Variants in PCNX3 observed in about 807,000 individuals in gnomAD.
PCNX3 encodes pecanex 3.
In PCNX3, 58 loss-of-function variants were observed where a neutral mutation model predicts 207.2. The ratio of observed to expected loss-of-function variants is 0.28; its 90% CI spans 0.23 to 0.35. The LOEUF (loss-of-function observed/expected upper bound fraction) is 0.35, where lower values mean the gene tolerates loss of function less well. Ranked by LOEUF, PCNX3 falls within the 10% of genes least tolerant of loss-of-function variation. The pLI, the probability that PCNX3 is intolerant of heterozygous loss-of-function variation, is 1.00. For synonymous variants in PCNX3, 1,337 were observed against 1,183.5 expected (o/e 1.13, Z -2.66); for missense variants, 2,410 against 2,774.4 (o/e 0.87, Z 2.95).
At chr11:65,626,304 T>TGAGAA (rs766929068) in intron 20 of PCNX3, 2 of 665,076 alleles carry the variant, frequency 3.0e-6, no homozygotes, top group South Asian at 3.0e-5. Context: ...TTCCTGTCTG[T>TGAGAA]GAGAAGACGG....
intron 27 of PCNX3, 63 bp from the exon 28 acceptor site, chr11:65,634,063 A>T: frequency 6.9e-7 from 1 of 1,446,758 alleles, no homozygotes; most frequent in Non-Finnish European, 9.4e-7. Context: ...CTGAACCTCC[A>T]TGCTTTCTCC....
Position 65,625,708 on chromosome 11 carries a change from C to G in PCNX3, c.3192C>G (p.Phe1064Leu). 1 of 1,611,492 alleles carries G rather than the reference C, an allele frequency of 6.2e-7. No individual in the cohort carries two copies. Among genetic ancestry groups the G allele is most frequent in the East Asian group, 2.2e-5 (1 of 44,886 alleles). The change falls in exon 19 of 35, where the codon TTC becomes TTG. Residue 1064 changes from phenylalanine (F) to leucine (L), a missense_variant. By Grantham distance (22) the Phe-to-Leu change is conservative (BLOSUM62 0). Around this residue, in one of 8 missense-constraint regions of PCNX3, gnomAD observed 333 missense variants for 386.8 expected, o/e 0.86. Transcript: ENST00000355703. The surrounding 1 kb of genome is among the most constrained non-coding windows in gnomAD (Gnocchi z 5.6). ...VMCVVIAVLT[F>L]AISASTVFIA... The stretch of plus-strand genomic sequence containing the variant: ...GTGTGGTGATCGCCGTGCTCACCTT[C>G]GCCATCAGCGCCAGCACCGTCTTTA...
chr11:65,634,367 A>G lies in PCNX3; in HGVS notation c.4701+11A>G, dbSNP rs1333128480. The stretch of plus-strand genomic sequence containing the variant: ...TCCCGGCGCAGCCAGGTCAGGCTCC[A>G]CTACCTGAGGCTGCCACCTGGGGCT... On this transcript the variant is annotated intron_variant, in intron 28 of 34. Transcript: ENST00000355703. The G allele has an allele frequency of 6.4e-7, 1 of 1,565,788 alleles. No homozygotes were observed.
At position 65,637,048 on chromosome 11, in the gene PCNX3, A is replaced by G; in HGVS notation, c.*70A>G. ...ACCTGCTCTGCTGCCTCTCTGCTGG[A>G]CCACAGAACTGAGTGGCTTTGGCCT... On this transcript the variant is annotated 3_prime_UTR_variant, in exon 35 of 35. Coordinates refer to ENST00000355703, the MANE Select transcript of PCNX3 (RefSeq NM_032223.4). 1 of 1,475,008 alleles carries G rather than the reference A, an allele frequency of 6.8e-7. No homozygotes were observed. Among genetic ancestry groups the G allele is most frequent in the Non-Finnish European group, 9.1e-7 (1 of 1,096,892 alleles). 91.4% of individuals were successfully genotyped at this position (1,475,008 alleles called of 1,614,324 possible).
chr11:65,628,631 AC>A lies in PCNX3; in HGVS notation c.3741del (p.Tyr1248ThrfsTer46). On this transcript the variant is annotated frameshift_variant, in exon 23 of 35. Transcript: ENST00000355703. LOFTEE classifies it high-confidence loss of function. ...GCTGTACAAGCTGCGTTTCGTGCTG[AC>A]CTACATCGCGCCCTGGCAGATCACC... Reference protein sequence around the residue: ...DLLYKLRFVLTYIAPWQITWG... With the variant: ...DLLYKLRFVLXYIAPWQITWG... 6.2e-7 allele frequency: 1 copy of A among 1,613,458 alleles called. No homozygotes were observed. The highest frequency in any genetic ancestry group is 8.5e-7 in the Non-Finnish European group (1 of 1,179,854).
At chr11:65,632,428 G>T (rs1014351914) in intron 27 of PCNX3, among the ~76,000 whole-genome samples, 1 of 147,194 alleles carries the variant, frequency 6.8e-6, no homozygotes, top group Non-Finnish European at 1.5e-5. Context: ...CCTCCCGTTA[G>T]CTTTGCCCTT....
chr11:65,620,534 G>T, intron 9 of PCNX3, 105 bp downstream of exon 9: 2 of 1,280,464 alleles, frequency 1.6e-6, no homozygotes, highest in Non-Finnish European at 1.1e-6. Flanking sequence ...GCTTGGGCAG[G>T]GGCAGCTCAG....
chr11:65,616,049 T>G lies in PCNX3; in HGVS notation c.-263T>G. The G allele has an allele frequency of 7.1e-6, 2 of 281,018 alleles. No homozygotes were observed. The allele number at this position is 281,018 out of a possible 1,614,324, so 17.4% of individuals were successfully genotyped here. On this transcript the variant is annotated 5_prime_UTR_variant, in exon 1 of 35. Transcript: ENST00000355703. ...CTGCCGGCTCGGCCCCTCGGAGCAA[T>G]TCTGGGCCAGGAGTGGGGACCCGGA...
Position 65,636,189 on chromosome 11 carries a change from T to G in PCNX3, c.5475T>G (p.Cys1825Trp), listed in dbSNP as rs1223027030. The change falls in exon 33 of 35, where the codon TGT becomes TGG. Residue 1825 changes from cysteine (C) to tryptophan (W), a missense_variant. Physicochemically the swap from Cys to Trp is radical, Grantham distance 215. Around this residue, in one of 8 missense-constraint regions of PCNX3, gnomAD observed 59 missense variants for 83.9 expected, o/e 0.70. Transcript: ENST00000355703. Reference protein sequence around the residue: ...LRTWERLHKGCGAGCNSGGNV... With the variant: ...LRTWERLHKGWGAGCNSGGNV... ...CCACCCCCAGGCTTCACAAGGGCTG[T>G]GGCGCCGGCTGCAATAGTGGCGGGA... The G allele has an allele frequency of 6.2e-7, 1 of 1,602,352 alleles. No homozygotes were observed. The highest frequency in any genetic ancestry group is 1.3e-5 in the African/African-American group (1 of 74,772).
Position 65,618,133 on chromosome 11 carries a change from C to G in PCNX3, c.771C>G (p.Thr257=), listed in dbSNP as rs1433061908. Residue 257 remains threonine (T), a synonymous_variant, in exon 6 of 35, where the codon ACC becomes ACG. Coordinates refer to ENST00000355703, the MANE Select transcript of PCNX3 (RefSeq NM_032223.4). ...QELSKSFLTL[T]QPDRALVRTS... ...TGAGCAAGAGCTTCCTGACCCTGACCCAGCCTGACCGGGCCCTGGTGAGGA... is the reference window on the plus strand; with the variant it reads ...TGAGCAAGAGCTTCCTGACCCTGACGCAGCCTGACCGGGCCCTGGTGAGGA... 1 of 1,610,602 alleles carries G rather than the reference C, an allele frequency of 6.2e-7. No individual in the cohort carries two copies. Among genetic ancestry groups the G allele is most frequent in the Non-Finnish European group, 8.5e-7 (1 of 1,178,466 alleles).
chr11:65,635,905 A>C lies in PCNX3; in HGVS notation c.5459+102A>C. The stretch of plus-strand genomic sequence containing the variant: ...GAGGACGTGCTGGAGCCAGGGCTTG[A>C]ATCCCGAGAGATGACCCCCTCCCAG... On this transcript the variant is annotated intron_variant, in intron 32 of 34. Coordinates refer to ENST00000355703, the MANE Select transcript of PCNX3 (RefSeq NM_032223.4). This position sits in a 1 kb window ranked among gnomAD's most constrained non-coding sequence, Gnocchi z 9.9. 3 of 1,439,324 alleles carry C rather than the reference A, an allele frequency of 2.1e-6. No homozygotes were observed. Among genetic ancestry groups the C allele is most frequent in the Non-Finnish European group, 2.8e-6 (3 of 1,085,394 alleles). The allele number at this position is 1,439,324 out of a possible 1,614,324, so 89.2% of individuals were successfully genotyped here. A position where few individuals can be genotyped will look rare whatever the true frequency, so the allele number is the denominator to read the frequency against.
rs75266703 is a variant in PCNX3 at position 65,624,589 on chromosome 11, G to A, written c.2827+8G>A. The stretch of plus-strand genomic sequence containing the variant: ...ACGGCTTCGGGGGCACAGGTATGAT[G>A]CCCACAGGTGGCTCAGGGATGGGGC... On this transcript the variant is annotated splice_region_variant and intron_variant, in intron 15 of 34. Transcript: ENST00000355703. 6.9e-3 allele frequency: 10,824 copies of A among 1,577,774 alleles called. 550 individuals carry two copies. The African/African-American group carries it at 0.12, about 17-fold the overall frequency.
At position 65,618,873 on chromosome 11, in the gene PCNX3, T is replaced by G. The variant is rs755375100; in HGVS notation, c.1511T>G (p.Leu504Arg). ...AGCGCTAAAACACATGCCCGTGTGC[T>G]GAGCATGGATGGGGCTGGGGGTGAT... ...TASAKTHARVLSMDGAGGDVL... is the reference protein window; with the variant it reads ...TASAKTHARVRSMDGAGGDVL... The change falls in exon 6 of 35, where the codon CTG (leucine) becomes CGG (arginine). Residue 504 changes from leucine (L) to arginine (R), a missense_variant. Coordinates refer to ENST00000355703, the MANE Select transcript of PCNX3 (RefSeq NM_032223.4). 4.3e-6 allele frequency: 7 copies of G among 1,610,714 alleles called. No homozygotes were observed. Among genetic ancestry groups the G allele is most frequent in the Non-Finnish European group, 5.9e-6 (7 of 1,179,136 alleles).
At chr11:65,621,200 AT>A (rs1855076387) in intron 10 of PCNX3, among the ~76,000 whole-genome samples, 2 of 152,206 alleles carry the variant, frequency 1.3e-5, no homozygotes, top group African/African-American at 4.8e-5. Flanking sequence ...TTTGGAGTAC[AT>A]TCCTAACTCT....
At chr11:65,636,032 G>A in intron 32 of PCNX3, 142 bp from the exon 33 acceptor site, 2 of 1,340,592 alleles carry the variant, frequency 1.5e-6, no homozygotes, top group Non-Finnish European at 2.1e-6. Context: ...ACTCTGCAAA[G>A]TAGGTGGCAG....
intron 11 of PCNX3, among the ~76,000 whole-genome samples, chr11:65,622,590 G>A (rs981779975): frequency 1.3e-5 from 2 of 152,012 alleles, no homozygotes; most frequent in African/African-American, 4.8e-5. Context: ...TTATTCCAAA[G>A]TCCTGCTGAA....
At chr11:65,633,219 G>A (rs1040798753) in intron 27 of PCNX3, among the ~76,000 whole-genome samples, 3 of 152,186 alleles carry the variant, frequency 2.0e-5, no homozygotes, top group African/African-American at 4.8e-5. Flanking sequence ...CTGCCCTGCC[G>A]GCCTTAACCC....
chr11:65,634,372 C>G lies in PCNX3; in HGVS notation c.4701+16C>G, dbSNP rs369539470. 2 of 1,559,744 alleles carry G rather than the reference C, an allele frequency of 1.3e-6. No individual in the cohort carries two copies. The highest frequency in any genetic ancestry group is 1.7e-6 in the Non-Finnish European group (2 of 1,151,396). On this transcript the variant is annotated intron_variant, in intron 28 of 34. Transcript: ENST00000355703. ...GCGCAGCCAGGTCAGGCTCCACTAC[C>G]TGAGGCTGCCACCTGGGGCTGTGGG...
rs765592860 is a variant in PCNX3, at chr11:65,618,646, T to C, written c.1284T>C (p.Ser428=). 4.3e-6 allele frequency: 7 copies of C among 1,612,932 alleles called. No individual in the cohort carries two copies. The highest frequency in any genetic ancestry group is 5.9e-6 in the Non-Finnish European group (7 of 1,179,832). ...AGGATGAAGACACTAGTGAGGGCAGTGAACTGAGCCCGGCCTCCAGTCTCC... is the reference window on the plus strand; with the variant it reads ...AGGATGAAGACACTAGTGAGGGCAGCGAACTGAGCCCGGCCTCCAGTCTCC... ...FFEDEDTSEG[S]ELSPASSLRS... The change falls in exon 6 of 35, where the codon AGT becomes AGC. Residue 428 remains serine, a synonymous_variant. Coordinates refer to ENST00000355703, the MANE Select transcript of PCNX3 (RefSeq NM_032223.4).
Sources: allele counts gnomAD v4.1 joint callset (sites outside exome capture counted in the v4.1 genomes callset), GRCh38; gene constraint gnomAD v4.1.1; regional missense constraint gnomAD v4.1.1; non-coding constraint Gnocchi (gnomAD v3.1); transcripts MANE v1.5; gene names NCBI Gene and HGNC (gene_info 2026-07-23, HGNC 2026-07-21).